Variants in HERC5 observed in about 807,000 individuals in gnomAD.
The protein encoded by HERC5 is E3 ISG15--protein ligase HERC5.
In HERC5, 99 loss-of-function variants were observed where a neutral mutation model predicts 119.6. That is an observed-to-expected ratio of 0.83 (90% CI 0.70 to 0.98). HERC5 has a LOEUF of 0.98. HERC5 is among the 50% of genes least tolerant of loss of function. HERC5 has a pLI of 0.00. For synonymous variants in HERC5, 478 were observed against 445.9 expected (o/e 1.07, Z -0.91); for missense variants, 1,267 against 1,241.3 (o/e 1.02, Z -0.31).
intron 13 of HERC5, among the ~76,000 whole-genome samples, chr4:88,484,111 C>G (rs1275966926): frequency 1.3e-5 from 2 of 152,058 alleles, no homozygotes; most frequent in African/African-American, 4.8e-5. Flanking sequence ...ATTAATACTA[C>G]CTTTTAAGTT....
intron 13 of HERC5, among the ~76,000 whole-genome samples, chr4:88,481,845 C>G (rs1444429445): frequency 2.0e-5 from 3 of 152,110 alleles, no homozygotes; most frequent in Non-Finnish European, 4.4e-5. Flanking sequence ...GGACAATAGC[C>G]AAGGCCAGAG....
Position 88,493,100 on chromosome 4 carries a change from A to C in HERC5, c.2222A>C (p.Glu741Ala). 2 of 1,614,120 alleles carry C rather than the reference A, an allele frequency of 1.2e-6. No individual in the cohort carries two copies. The highest frequency in any genetic ancestry group is 2.2e-5 in the South Asian group (2 of 91,078). The part of the protein sequence containing the change: ...YCLFAEMIQP[E>A]YGMFMYPEGA... Reference sequence around the variant, plus strand: ...CTGTTTGCAGAGATGATCCAGCCGGAATATGGGATGTTCATGTATCCTGAA... The same window carrying C: ...CTGTTTGCAGAGATGATCCAGCCGGCATATGGGATGTTCATGTATCCTGAA... Residue 741 changes from glutamate to alanine, a missense_variant, in exon 17 of 23, where the codon GAA becomes GCA. Physicochemically the swap from Glu to Ala is moderately radical, Grantham distance 107. Around this residue, in one of 3 missense-constraint regions of HERC5, gnomAD observed 473 missense variants for 445.7 expected, o/e 1.06. Transcript: ENST00000264350.
intron 11 of HERC5, 52 bp from the exon 12 acceptor site, chr4:88,475,789 C>T: frequency 6.8e-7 from 1 of 1,475,838 alleles, no homozygotes. Context: ...TCAGTTGCAC[C>T]CTGCTTCTAC....
chr4:88,457,882 T>C, intron 1 of HERC5: 1 of 1,053,158 alleles, frequency 9.5e-7, no homozygotes, highest in East Asian at 6.5e-5. Flanking sequence ...CATCTCCCAC[T>C]GTCTCGTTTT....
rs1201984743 is a variant in HERC5, at chr4:88,486,008, T to C, written c.1738-107T>C. On this transcript the variant is annotated intron_variant, in intron 13 of 22. Coordinates refer to ENST00000264350, the MANE Select transcript of HERC5 (RefSeq NM_016323.4). ...ATTGGATAGAATTTTATTCTGGTCA[T>C]TATAAGAGTGTTTCATTTATAATTT... The C allele has an allele frequency of 6.4e-6, 4 of 628,360 alleles. No homozygotes were observed. In the African/African-American group the frequency reaches 7.4e-5, roughly 12 times the overall value. 38.9% of individuals were successfully genotyped at this position (628,360 alleles called of 1,614,324 possible). A position where few individuals can be genotyped will look rare whatever the true frequency, so the allele number is the denominator to read the frequency against.
In HERC5 at chr4:88,493,133, C is replaced by T; in HGVS notation, c.2255C>T (p.Ser752Phe). ...ATGTTCATGTATCCTGAAGGGGCTT[C>T]CTGCATGTGGTTTCCTGTCAAGGTA... ...YGMFMYPEGA[S>F]CMWFPVKPKF... The change falls in exon 17 of 23, where the codon TCC becomes TTC. Residue 752 changes from serine to phenylalanine, a missense_variant. Coordinates refer to ENST00000264350, the MANE Select transcript of HERC5 (RefSeq NM_016323.4). 1.9e-6 allele frequency: 3 copies of T among 1,613,738 alleles called. No homozygotes were observed.
intron 11 of HERC5, chr4:88,473,651 T>C (rs1232542341): frequency 6.6e-6 from 1 of 152,202 alleles, no homozygotes; most frequent in Non-Finnish European, 1.5e-5. Context: ...AGTGGACTAT[T>C]TCATCAACAT....
Position 88,470,686 on chromosome 4 carries a change from ATAAATTAATTGTAT to A in HERC5, c.1298+20_1298+33del. The A allele has an allele frequency of 8.4e-7, 1 of 1,186,306 alleles. No homozygotes were observed. The highest frequency in any genetic ancestry group is 1.3e-5 in the South Asian group (1 of 78,922). The allele number at this position is 1,186,306 out of a possible 1,614,324, so 73.5% of individuals were successfully genotyped here. A position where few individuals can be genotyped will look rare whatever the true frequency, so the allele number is the denominator to read the frequency against. On this transcript the variant is annotated intron_variant, in intron 10 of 22. Coordinates refer to ENST00000264350, the MANE Select transcript of HERC5 (RefSeq NM_016323.4). ...TTTTAAGGAAAAGGTAATATATGTA[ATAAATTAATTGTAT>A]TAAATTGTATTAAGAGTACCGTGAA...
In HERC5 at chr4:88,479,540, A is replaced by G. The variant is rs529604537; in HGVS notation, c.1737+33A>G. 4 of 1,503,528 alleles carry G rather than the reference A, an allele frequency of 2.7e-6. No homozygotes were observed. In the South Asian group the frequency reaches 4.1e-5, roughly 16 times the overall value. 93.1% of individuals were successfully genotyped at this position (1,503,528 alleles called of 1,614,324 possible). A position where few individuals can be genotyped will look rare whatever the true frequency, so the allele number is the denominator to read the frequency against. ...TTCCTTTAGAAACCTCTGTGTTTTT[A>G]TCTAGCTGTAAAAATTCCCTTCCTT... On this transcript the variant is annotated intron_variant, in intron 13 of 22. Coordinates refer to ENST00000264350, the MANE Select transcript of HERC5 (RefSeq NM_016323.4).
At chr4:88,504,712 T>C (rs2149111392) in intron 22 of HERC5, 115 bp downstream of exon 22, 1 of 482,412 alleles carries the variant, frequency 2.1e-6, no homozygotes, top group Non-Finnish European at 3.6e-6. Flanking sequence ...CTACGCCTAG[T>C]CCAACTGAAC....
At chr4:88,476,248 A>G (rs112154548) in intron 12 of HERC5, among the ~76,000 whole-genome samples, 27 of 152,282 alleles carry the variant, frequency 1.8e-4, no homozygotes, top group African/African-American at 6.0e-4. Flanking sequence ...TGGCTTTGTC[A>G]TGATTTCCTT....
At position 88,494,226 on chromosome 4, in the gene HERC5, A is replaced by G. The variant is rs200792950; in HGVS notation, c.2339A>G (p.Asn780Ser). 1.7e-5 allele frequency: 27 copies of G among 1,613,630 alleles called. No homozygotes were observed. The highest frequency in any genetic ancestry group is 1.6e-4 in the East Asian group (7 of 44,816). ...FGVLCGLSLF[N>S]CNVANLPFPL... is the part of the protein sequence containing the mutation. ...GTTCTATGTGGACTTTCCCTGTTCA[A>G]TTGCAATGTTGCCAACCTTCCTTTC... Residue 780 changes from asparagine (N) to serine (S), a missense_variant, in exon 18 of 23, where the codon AAT becomes AGT. Asn to Ser is a conservative substitution (Grantham distance 46). Coordinates refer to ENST00000264350, the MANE Select transcript of HERC5 (RefSeq NM_016323.4).
chr4:88,504,239 T>A lies in HERC5; in HGVS notation c.2590T>A (p.Tyr864Asn). ...ITVNQTNKRD[Y>N]VSKYINYIFN... Reference sequence around the variant, plus strand: ...CATTTTGTTTTATTAAAGGAGAGACTATGTTTCTAAGTATATCAATTACAT... The same window carrying A: ...CATTTTGTTTTATTAAAGGAGAGACAATGTTTCTAAGTATATCAATTACAT... Residue 864 changes from tyrosine (Y) to asparagine (N), a missense_variant, in exon 21 of 23, where the codon TAT becomes AAT. Around this residue, in one of 3 missense-constraint regions of HERC5, gnomAD observed 473 missense variants for 445.7 expected, o/e 1.06. Coordinates refer to ENST00000264350, the MANE Select transcript of HERC5 (RefSeq NM_016323.4). The A allele has an allele frequency of 1.3e-6, 2 of 1,587,572 alleles. No homozygotes were observed. Among genetic ancestry groups the A allele is most frequent in the Non-Finnish European group, 1.7e-6 (2 of 1,160,366 alleles).
In HERC5 at chr4:88,461,966, AGAG is replaced by A. The variant is rs540704217; in HGVS notation, c.467-168_467-166del. Among the ~76,000 whole-genome samples, 710 of 152,314 alleles carry A rather than the reference AGAG, an allele frequency of 4.7e-3. 3 individuals carry two copies. Among genetic ancestry groups the A allele is most frequent in the South Asian group, 0.022 (107 of 4,822 alleles). ...AAGGAAGTGTAACTGTCACTGCTAAAGAGAAGATTCTGTGTTTTTCTGTGGCAG... is the reference window on the plus strand; with the variant it reads ...AAGGAAGTGTAACTGTCACTGCTAAAAAGATTCTGTGTTTTTCTGTGGCAG... On this transcript the variant is annotated intron_variant, in intron 3 of 22. Transcript: ENST00000264350.
intron 16 of HERC5, among the ~76,000 whole-genome samples, chr4:88,490,760 T>G (rs532249539): frequency 5.4e-4 from 82 of 152,112 alleles, no homozygotes; most frequent in African/African-American, 1.8e-3. Flanking sequence ...AGTGAGAATC[T>G]CTTGAACCCA....
intron 15 of HERC5, among the ~76,000 whole-genome samples, chr4:88,487,589 T>C (rs1360959125): frequency 6.6e-6 from 1 of 152,182 alleles, no homozygotes; most frequent in Non-Finnish European, 1.5e-5. Flanking sequence ...TAGAAGTGGC[T>C]GAGGATTCCT....
rs868689322 is a variant in HERC5, at chr4:88,472,014, G to A, written c.1299-395G>A. Among the ~76,000 whole-genome samples, 6 of 110,592 alleles carry A rather than the reference G, an allele frequency of 5.4e-5. No homozygotes were observed. The South Asian group carries it at 9.4e-4, about 17-fold the overall frequency. The allele number at this position is 110,592 out of a possible 152,430, so 72.6% of individuals were successfully genotyped here. ...TCTTTTTTTCTTTCTTTCTTTTTCT[G>A]AGGCAGGATCTTGCTCTGTCACCCA... On this transcript the variant is annotated intron_variant, in intron 10 of 22. Transcript: ENST00000264350.
intron 16 of HERC5, among the ~76,000 whole-genome samples, chr4:88,491,388 G>C (rs760218502): frequency 2.0e-5 from 3 of 152,148 alleles, no homozygotes; most frequent in Non-Finnish European, 4.4e-5. Flanking sequence ...CAAAGTTTAA[G>C]GAGAAAATGA....
chr4:88,500,970 T>A lies in HERC5; in HGVS notation c.2567T>A (p.Val856Asp). 1.2e-6 allele frequency: 2 copies of A among 1,610,614 alleles called. No homozygotes were observed. Among genetic ancestry groups the A allele is most frequent in the Non-Finnish European group, 8.5e-7 (1 of 1,178,470 alleles). Residue 856 changes from valine (V) to aspartate (D), a missense_variant, in exon 20 of 23, where the codon GTC becomes GAC. Around this residue, in one of 3 missense-constraint regions of HERC5, gnomAD observed 473 missense variants for 445.7 expected, o/e 1.06. Coordinates refer to ENST00000264350, the MANE Select transcript of HERC5 (RefSeq NM_016323.4). ...NLIPNGSSIT[V>D]NQTNKRDYVS... ...ATTCCTAATGGAAGTAGCATAACTGTCAACCAGACTAACAAGTAGGTACAA... is the reference window on the plus strand; with the variant it reads ...ATTCCTAATGGAAGTAGCATAACTGACAACCAGACTAACAAGTAGGTACAA...
Sources: gnomAD v4.1 joint callset for allele counts (sites outside exome capture counted in the v4.1 genomes callset) on GRCh38, gnomAD v4.1.1 for gene constraint, gnomAD v4.1.1 regional missense constraint, MANE v1.5 for transcripts, NCBI Gene and HGNC (gene_info 2026-07-23, HGNC 2026-07-21) for gene names.